TSHZ3: variants seen among roughly 807,000 people sequenced by gnomAD.
TSHZ3 encodes teashirt zinc finger homeobox 3, also known as teashirt homolog 3.
In TSHZ3, 10 loss-of-function variants were observed where a neutral mutation model predicts 64.5. That is an observed-to-expected ratio of 0.16 (90% CI 0.10 to 0.26). TSHZ3 has a LOEUF of 0.26. Among genes scored for constraint, TSHZ3 ranks in the 10% least tolerant of loss-of-function variants. The pLI, the probability that TSHZ3 is intolerant of heterozygous loss-of-function variation, is 1.00. For synonymous variants in TSHZ3, 608 were observed against 593.1 expected (o/e 1.03, Z -0.36); for missense variants, 1,242 against 1,421.7 (o/e 0.87, Z 2.03).
intron 1 of TSHZ3, among the ~76,000 whole-genome samples, chr19:31,306,051 G>A (rs937505710): frequency 6.6e-6 from 1 of 152,188 alleles, no homozygotes; most frequent in African/African-American, 2.4e-5. Context: ...CCACAAAAAG[G>A]GGGTAGGCGC....
intron 1 of TSHZ3, among the ~76,000 whole-genome samples, chr19:31,311,346 T>A (rs1057286337): frequency 1.3e-5 from 2 of 152,180 alleles, no homozygotes; most frequent in Admixed American, 6.5e-5. Flanking sequence ...ATCAAGAGCA[T>A]TCGTGTCTGG....
intron 1 of TSHZ3, among the ~76,000 whole-genome samples, chr19:31,264,345 A>T (rs1160127471): frequency 6.6e-6 from 1 of 152,222 alleles, no homozygotes. Context: ...ACCAAGTACC[A>T]GTGGCCTACA....
At chr19:31,281,148 GA>G (rs1298651047) in intron 1 of TSHZ3, among the ~76,000 whole-genome samples, 2 of 152,168 alleles carry the variant, frequency 1.3e-5, no homozygotes, top group Non-Finnish European at 2.9e-5. Flanking sequence ...CTTAAGAAAG[GA>G]AGGGAAGTTT....
intron 1 of TSHZ3, among the ~76,000 whole-genome samples, chr19:31,253,891 G>A (rs1439701134): frequency 1.3e-5 from 2 of 152,116 alleles, no homozygotes; most frequent in African/African-American, 2.4e-5. Context: ...CAGCAAAGAC[G>A]GCAGCAGAAT....
Position 31,279,258 on chromosome 19 carries a change from C to T in TSHZ3, c.535G>A (p.Val179Met). The T allele has an allele frequency of 6.2e-7, 1 of 1,614,152 alleles. No homozygotes were observed. ...TCCGGGAGCATGCGGCTCTGTGACA[C>T]CTGCTGCAGCGTCTTAGCCATGGCG... ...QSAMAKTLQQ[V>M]SQSRMLPEPS... is the part of the protein sequence containing the mutation. The change falls in exon 2 of 2, where the codon GTG (valine) becomes ATG (methionine). Residue 179 changes from valine (V) to methionine (M), a missense_variant. Physicochemically the swap from Val to Met is conservative, Grantham distance 21. This residue lies in a region of TSHZ3 where 555 missense variants were observed against 704.0 expected (regional missense o/e 0.79). Transcript: ENST00000240587. This position sits in a 1 kb window ranked among gnomAD's most constrained non-coding sequence, Gnocchi z 6.4.
chr19:31,180,313 C>T (rs1599564568), intron 5 of TSHZ3, among the ~76,000 whole-genome samples: 2 of 152,220 alleles, frequency 1.3e-5, no homozygotes, highest in Non-Finnish European at 2.9e-5. Flanking sequence ...ACGGGCTGTA[C>T]ACCTGCTTTC....
At chr19:31,161,875 G>A (rs763190792) in intron 5 of TSHZ3, among the ~76,000 whole-genome samples, 11 of 152,230 alleles carry the variant, frequency 7.2e-5, no homozygotes, top group Non-Finnish European at 1.5e-4. Flanking sequence ...TGTAAATGAA[G>A]AGGCATGGCT....
intron 5 of TSHZ3, among the ~76,000 whole-genome samples, chr19:31,186,344 CAT>C (rs768224297): frequency 2.0e-5 from 3 of 152,296 alleles, no homozygotes; most frequent in African/African-American, 4.8e-5. Flanking sequence ...GTAATAGAAT[CAT>C]GGGGGGCGGT....
chr19:31,211,594 G>T (rs1158311668), intron 4 of TSHZ3, among the ~76,000 whole-genome samples: 3 of 152,234 alleles, frequency 2.0e-5, no homozygotes, highest in African/African-American at 7.2e-5. Flanking sequence ...GGAAAAGCAG[G>T]TGGCATGAAG....
chr19:31,299,262 C>T (rs1474897114), intron 1 of TSHZ3, among the ~76,000 whole-genome samples: 1 of 152,152 alleles, frequency 6.6e-6, no homozygotes, highest in African/African-American at 2.4e-5. Context: ...GGCTGGAGTC[C>T]GGCCACGCCA....
At chr19:31,282,692 C>T (rs952769317) in intron 1 of TSHZ3, among the ~76,000 whole-genome samples, 4 of 152,202 alleles carry the variant, frequency 2.6e-5, no homozygotes, top group Admixed American at 6.5e-5. Context: ...GTAAACTACA[C>T]AGCAGGGTCA....
chr19:31,165,104 G>T (rs527818971), intron 5 of TSHZ3, among the ~76,000 whole-genome samples: 1 of 152,330 alleles, frequency 6.6e-6, no homozygotes, highest in South Asian at 2.1e-4. Context: ...ACCCAGCCCC[G>T]GAATCTCCGC....
chr19:31,294,255 A>C (rs1209536165), intron 1 of TSHZ3, among the ~76,000 whole-genome samples: 1 of 152,138 alleles, frequency 6.6e-6, no homozygotes, highest in Non-Finnish European at 1.5e-5. Context: ...GCCAGCATTG[A>C]CACAGTATTC....
intron 3 of TSHZ3, among the ~76,000 whole-genome samples, chr19:31,239,394 A>C (rs1975661184): frequency 6.6e-6 from 1 of 152,030 alleles, no homozygotes; most frequent in African/African-American, 2.4e-5. Flanking sequence ...CAGATTCTAA[A>C]TTTTCATTTG....
At chr19:31,231,341 G>A (rs927216707) in intron 3 of TSHZ3, among the ~76,000 whole-genome samples, 1 of 152,074 alleles carries the variant, frequency 6.6e-6, no homozygotes, top group Non-Finnish European at 1.5e-5. Context: ...TGATGCCAAA[G>A]CCCCTGGCTG....
At chr19:31,175,262 T>A (rs1974591464) in intron 5 of TSHZ3, among the ~76,000 whole-genome samples, 1 of 152,080 alleles carries the variant, frequency 6.6e-6, no homozygotes, top group Non-Finnish European at 1.5e-5. Context: ...CACATACGGC[T>A]TTGTGTTTTG....
At position 31,266,456 on chromosome 19, in the gene TSHZ3, C is replaced by A. The variant is rs563298473; in HGVS notation, n.64-23581G>T. Among the ~76,000 whole-genome samples, 3 of 152,222 alleles carry A rather than the reference C, an allele frequency of 2.0e-5. No homozygotes were observed. The South Asian group carries it at 6.2e-4, about 32-fold the overall frequency. ...GTCCTTGAATCAGGGGCGCCACTCC[C>A]TGAGGAATCTGAGAAGTTCACACTG... On this transcript the variant is annotated intron_variant and non_coding_transcript_variant, in intron 1 of 6. Coordinates refer to the TSHZ3 transcript ENST00000651361.
chr19:31,228,966 T>C (rs1975506458), intron 3 of TSHZ3, among the ~76,000 whole-genome samples: 1 of 152,156 alleles, frequency 6.6e-6, no homozygotes, highest in Non-Finnish European at 1.5e-5. Context: ...GGTTCCAAAT[T>C]TGATTGAAAC....
intron 3 of TSHZ3, among the ~76,000 whole-genome samples, chr19:31,229,920 C>G (rs1459039300): frequency 1.3e-5 from 2 of 152,096 alleles, no homozygotes; most frequent in Non-Finnish European, 2.9e-5. Context: ...TATGTAGAGC[C>G]TGGGAAAATG....
Sources: allele counts gnomAD v4.1 joint callset (sites outside exome capture counted in the v4.1 genomes callset), GRCh38; gene constraint gnomAD v4.1.1; regional missense constraint gnomAD v4.1.1; non-coding constraint Gnocchi (gnomAD v3.1); transcripts MANE v1.5; gene names NCBI Gene and HGNC (gene_info 2026-07-23, HGNC 2026-07-21).